Variants in NCOA3 observed in about 807,000 individuals in gnomAD.
The protein encoded by NCOA3 is nuclear receptor coactivator 3.
In NCOA3, 51 loss-of-function variants were observed where a neutral mutation model predicts 158.8. The ratio of observed to expected loss-of-function variants is 0.32; its 90% confidence interval spans 0.26 to 0.41. The LOEUF is 0.41. Among genes scored for constraint, NCOA3 ranks in the 10% least tolerant of loss-of-function variants. The pLI, the probability that NCOA3 is intolerant of heterozygous loss-of-function variation, is 1.00. For synonymous variants in NCOA3, 537 were observed against 592.4 expected (o/e 0.91, Z 1.36); for missense variants, 1,510 against 1,746.6 (o/e 0.86, Z 2.41).
At position 47,534,109 on chromosome 20, in the gene NCOA3, G is replaced by C. The variant is rs1378295685; in HGVS notation, c.-99+32090G>C. ...ACAGGATTTTGTGATGGTTTCAGTG[G>C]GGGGGGCGGGGGGTGAAGAGGGAAG... is the stretch of plus-strand genomic sequence containing the variant. On this transcript the variant is annotated intron_variant, in intron 1 of 22. Transcript: ENST00000371998. Among the ~76,000 whole-genome samples, 5 of 151,338 alleles carry C rather than the reference G, an allele frequency of 3.3e-5. No individual in the cohort carries two copies. The East Asian group carries it at 5.8e-4, about 18-fold the overall frequency.
chr20:47,653,442 G>A lies in NCOA3; in HGVS notation c.*25G>A. On this transcript the variant is annotated 3_prime_UTR_variant, in exon 23 of 23. Coordinates refer to ENST00000371998, the MANE Select transcript of NCOA3 (RefSeq NM_181659.3). Reference sequence around the variant, plus strand: ...ACATCTCTGCACCAGGACCTCTTAAGGAAACCACTGTACAAATGACACTGC... The same window carrying A: ...ACATCTCTGCACCAGGACCTCTTAAAGAAACCACTGTACAAATGACACTGC... 2 of 1,600,104 alleles carry A rather than the reference G, an allele frequency of 1.2e-6. No individual in the cohort carries two copies. The highest frequency in any genetic ancestry group is 1.7e-6 in the Non-Finnish European group (2 of 1,173,254).
At chr20:47,528,425 G>T (rs1043946463) in intron 1 of NCOA3, among the ~76,000 whole-genome samples, 1 of 151,924 alleles carries the variant, frequency 6.6e-6, no homozygotes, top group African/African-American at 2.4e-5. Context: ...GAATATATTG[G>T]TCTGGTATAA....
At position 47,636,730 on chromosome 20, in the gene NCOA3, G is replaced by A. The variant is rs976529824; in HGVS notation, c.2344G>A (p.Asp782Asn). 1.2e-6 allele frequency: 2 copies of A among 1,612,510 alleles called. No individual in the cohort carries two copies. Among genetic ancestry groups the A allele is most frequent in the African/African-American group, 1.3e-5 (1 of 74,854 alleles). The stretch of plus-strand genomic sequence containing the variant: ...CATTCCTAGCTCAAGTCAAGAGAAA[G>A]ACCCTAAAATTAAGACAGAGACAAG... ...STIPSSSQEK[D>N]PKIKTETSEE... Residue 782 changes from aspartate (D) to asparagine (N), a missense_variant, in exon 12 of 23, where the codon GAC (aspartate) becomes AAC (asparagine). Transcript: ENST00000371998.
In NCOA3 at chr20:47,636,347, C is replaced by T. The variant is rs1182791585; in HGVS notation, c.1961C>T (p.Thr654Ile). 1 of 1,614,060 alleles carries T rather than the reference C, an allele frequency of 6.2e-7. No homozygotes were observed. The highest frequency in any genetic ancestry group is 8.5e-7 in the Non-Finnish European group (1 of 1,180,022). Residue 654 changes from threonine (T) to isoleucine (I), a missense_variant, in exon 12 of 23, where the codon ACC becomes ATC. By Grantham distance (89) the Thr-to-Ile change is moderately conservative (BLOSUM62 -1). This residue lies in a region of NCOA3 where 1,017 missense variants were observed against 1,098.3 expected (regional missense o/e 0.93). Coordinates refer to ENST00000371998, the MANE Select transcript of NCOA3 (RefSeq NM_181659.3). ...TGTAAAGAATCTTCTGTTAGTGTCA[C>T]CAGCCCCTCTGGAGTCTCCTCCTCT... The part of the protein sequence containing the change: ...SSCKESSVSV[T>I]SPSGVSSSTS...
intron 1 of NCOA3, among the ~76,000 whole-genome samples, chr20:47,533,608 T>C (rs571139660): frequency 6.6e-6 from 1 of 152,048 alleles, no homozygotes; most frequent in East Asian, 1.9e-4. Context: ...ATGTGAAGAG[T>C]AGCCTGTAAG....
At chr20:47,549,179 A>G (rs1312331428) in intron 1 of NCOA3, among the ~76,000 whole-genome samples, 3 of 152,100 alleles carry the variant, frequency 2.0e-5, no homozygotes, top group Non-Finnish European at 4.4e-5. Context: ...GGACTTAACT[A>G]TCCTTAATTT....
Position 47,623,926 on chromosome 20 carries a change from T to A in NCOA3, c.99T>A (p.Gly33=), listed in dbSNP as rs758257414. 6.2e-7 allele frequency: 1 copy of A among 1,613,108 alleles called. No individual in the cohort carries two copies. The highest frequency in any genetic ancestry group is 2.2e-5 in the East Asian group (1 of 44,876). The change falls in exon 4 of 23, where the codon GGT becomes GGA. Residue 33 remains glycine, a synonymous_variant. Transcript: ENST00000371998. ...DTPGQGLTCS[G]EKRRREQESK... ...TTTCCCTTAGTCTTACCTGCAGTGGTGAAAAACGGAGACGGGAGCAGGAAA... is the reference window on the plus strand; with the variant it reads ...TTTCCCTTAGTCTTACCTGCAGTGGAGAAAAACGGAGACGGGAGCAGGAAA...
At chr20:47,535,828 G>C (rs2084623938) in intron 1 of NCOA3, among the ~76,000 whole-genome samples, 1 of 152,046 alleles carries the variant, frequency 6.6e-6, no homozygotes, top group Non-Finnish European at 1.5e-5. Context: ...TTATTGAATG[G>C]TGGAAGTAGC....
chr20:47,589,649 A>G (rs1054322391), intron 2 of NCOA3, among the ~76,000 whole-genome samples: 14 of 152,116 alleles, frequency 9.2e-5, no homozygotes, highest in African/African-American at 3.4e-4. Flanking sequence ...TTCTGGGATT[A>G]TAGGCATGAG....
At chr20:47,624,860 C>T (rs992179124) in intron 4 of NCOA3, among the ~76,000 whole-genome samples, 4 of 152,148 alleles carry the variant, frequency 2.6e-5, no homozygotes, top group Admixed American at 6.6e-5. Context: ...ACAACCTCCA[C>T]CTCTTGGGTT....
intron 1 of NCOA3, among the ~76,000 whole-genome samples, chr20:47,546,909 A>T (rs2084838845): frequency 6.6e-6 from 1 of 152,044 alleles, no homozygotes; most frequent in Non-Finnish European, 1.5e-5. Context: ...TTCTTCATCC[A>T]GTGCAGGCAC....
chr20:47,643,949 GA>G (rs1349937276), intron 17 of NCOA3, among the ~76,000 whole-genome samples: 5 of 150,940 alleles, frequency 3.3e-5, no homozygotes, highest in Non-Finnish European at 7.4e-5. Flanking sequence ...TTTTCTCTCC[GA>G]AATTTTATGA....
rs539586062 is a variant in NCOA3 at position 47,551,828 on chromosome 20, C to T, written c.-98-31355C>T. The stretch of plus-strand genomic sequence containing the variant: ...ATTTTACTGTTAAGATAACTTAATA[C>T]GTATGTATCCTTCCATGAGGAATAA... On this transcript the variant is annotated intron_variant, in intron 1 of 22. Transcript: ENST00000371998. Among the ~76,000 whole-genome samples, 16 of 152,160 alleles carry T rather than the reference C, an allele frequency of 1.1e-4. No individual in the cohort carries two copies. The East Asian group carries it at 2.1e-3, about 20-fold the overall frequency.
At chr20:47,533,284 C>CA (rs1158802672) in intron 1 of NCOA3, among the ~76,000 whole-genome samples, 20,748 of 54,558 alleles carry the variant, frequency 0.38, 3,872 homozygotes, top group African/African-American at 0.44. Flanking sequence ...GGTTCCGTCT[C>CA]AAAAAAAAAA....
chr20:47,528,097 G>T (rs2084485273), intron 1 of NCOA3, among the ~76,000 whole-genome samples: 1 of 152,120 alleles, frequency 6.6e-6, no homozygotes, highest in Non-Finnish European at 1.5e-5. Context: ...TAATTGATCA[G>T]CTGAGTCTCT....
intron 1 of NCOA3, among the ~76,000 whole-genome samples, chr20:47,561,723 G>T (rs1568684063): frequency 6.6e-6 from 1 of 152,124 alleles, no homozygotes; most frequent in Non-Finnish European, 1.5e-5. Flanking sequence ...GCAACTCCCT[G>T]CCAGAGTGGT....
chr20:47,631,648 A>C (rs1404137439), intron 8 of NCOA3, among the ~76,000 whole-genome samples: 1 of 152,216 alleles, frequency 6.6e-6, no homozygotes, highest in Non-Finnish European at 1.5e-5. Flanking sequence ...AAGTGTACAA[A>C]AATGTGATCA....
At chr20:47,527,175 C>T (rs1032011656) in intron 1 of NCOA3, among the ~76,000 whole-genome samples, 1 of 151,776 alleles carries the variant, frequency 6.6e-6, no homozygotes, top group African/African-American at 2.4e-5. Context: ...GTCAGCATAC[C>T]TTTTTTTTCT....
chr20:47,570,144 T>G (rs2085268750), intron 1 of NCOA3, among the ~76,000 whole-genome samples: 2 of 152,150 alleles, frequency 1.3e-5, no homozygotes, highest in African/African-American at 4.8e-5. Context: ...TGAAACCACT[T>G]TATTTGGTCA....
Sources: gnomAD v4.1 joint callset for allele counts (sites outside exome capture counted in the v4.1 genomes callset) on GRCh38, gnomAD v4.1.1 for gene constraint, gnomAD v4.1.1 regional missense constraint, MANE v1.5 for transcripts, NCBI Gene and HGNC (gene_info 2026-07-23, HGNC 2026-07-21) for gene names.